Variants in DICER1 observed in about 807,000 individuals in gnomAD.
DICER1 encodes the protein dicer 1, ribonuclease III, also known as endoribonuclease Dicer.
Under a neutral mutation model 194.1 loss-of-function variants are expected in DICER1, and 43 were observed. The observed-to-expected ratio is 0.22, with a 90% CI of 0.17 to 0.29. The LOEUF is 0.29. Among genes scored for constraint, DICER1 ranks in the 10% least tolerant of loss-of-function variants. The pLI is 1.00. For missense variants in DICER1, 1,608 were observed against 2,317.0 expected (o/e 0.69, Z 6.28); for synonymous variants, 832 against 820.5 (o/e 1.01, Z -0.24).
At chr14:95,155,428 CACT>C (rs1371660355) in intron 1 of DICER1, among the ~76,000 whole-genome samples, 1 of 152,196 alleles carries the variant, frequency 6.6e-6, no homozygotes, top group Non-Finnish European at 1.5e-5. Flanking sequence ...TAGAAGATAG[CACT>C]ACAAGTACTG....
At chr14:95,131,713 AAC>A in intron 3 of DICER1, 74 bp from the exon 4 acceptor site, 1 of 1,284,412 alleles carries the variant, frequency 7.8e-7, no homozygotes, top group Non-Finnish European at 1.1e-6. Flanking sequence ...ACTAATGATT[AAC>A]AGTCTACAGA....
At chr14:95,152,586 A>T (rs1015106017) in intron 1 of DICER1, among the ~76,000 whole-genome samples, 1 of 151,942 alleles carries the variant, frequency 6.6e-6, no homozygotes. Context: ...AAAAGAAAAA[A>T]CTCTAAGGCC....
intron 1 of DICER1, among the ~76,000 whole-genome samples, chr14:95,134,778 C>T (rs1034063529): frequency 8.5e-5 from 13 of 152,206 alleles, no homozygotes; most frequent in African/African-American, 2.2e-4. Context: ...AGCACGTCTG[C>T]GGGCCTGACA....
intron 1 of DICER1, among the ~76,000 whole-genome samples, chr14:95,152,539 CCAAG>C (rs367836697): frequency 2.0e-4 from 30 of 152,278 alleles, no homozygotes; most frequent in East Asian, 1.5e-3. Context: ...CTTAACACAA[CCAAG>C]AACATGTAAT....
intron 7 of DICER1, among the ~76,000 whole-genome samples, chr14:95,126,302 G>T (rs1411949418): frequency 2.6e-5 from 4 of 152,084 alleles, no homozygotes; most frequent in Non-Finnish European, 5.9e-5. Flanking sequence ...TGACCAAAAA[G>T]AAACAAAAAT....
chr14:95,141,953 T>C (rs1894850118), intron 1 of DICER1, among the ~76,000 whole-genome samples: 1 of 152,152 alleles, frequency 6.6e-6, no homozygotes, highest in Non-Finnish European at 1.5e-5. Context: ...TACAATCCAA[T>C]TAGATAGAAG....
At chr14:95,108,887 G>T (rs892021139) in intron 14 of DICER1, among the ~76,000 whole-genome samples, 24 of 152,186 alleles carry the variant, frequency 1.6e-4, no homozygotes, top group African/African-American at 5.6e-4. Context: ...ATCAGAAAAT[G>T]AAGTTAGGCA....
chr14:95,114,528 T>A (rs761072837), intron 11 of DICER1, among the ~76,000 whole-genome samples: 1 of 152,222 alleles, frequency 6.6e-6, no homozygotes, highest in Non-Finnish European at 1.5e-5. Context: ...GAAAATCATT[T>A]AGTAGCCATC....
intron 1 of DICER1, among the ~76,000 whole-genome samples, chr14:95,146,375 G>A (rs1895135548): frequency 6.6e-6 from 1 of 152,068 alleles, no homozygotes; most frequent in African/African-American, 2.4e-5. Context: ...TTTGAGTGGT[G>A]CTTTTAACTT....
intron 1 of DICER1, among the ~76,000 whole-genome samples, chr14:95,144,694 T>C (rs1410528737): frequency 6.6e-6 from 1 of 152,178 alleles, no homozygotes; most frequent in African/African-American, 2.4e-5. Context: ...ACAGAATTTA[T>C]AGCCAGATTA....
intron 1 of DICER1, among the ~76,000 whole-genome samples, chr14:95,142,590 C>T (rs1894889369): frequency 6.6e-6 from 1 of 152,164 alleles, no homozygotes. Context: ...ACATTATTTC[C>T]ATTGATAATT....
chr14:95,091,148 T>G (rs1198308957), intron 25 of DICER1, 39 bp from the exon 26 acceptor site: 1 of 1,613,874 alleles, frequency 6.2e-7, no homozygotes, highest in Non-Finnish European at 8.5e-7. Context: ...ATAATATCTC[T>G]GAAGTTGTTT....
intron 14 of DICER1, among the ~76,000 whole-genome samples, 172 bp from the exon 15 acceptor site, chr14:95,108,675 CG>C (rs1477877217): frequency 3.3e-5 from 5 of 152,214 alleles, no homozygotes; most frequent in Non-Finnish European, 7.3e-5. Context: ...GGTAAGTCAG[CG>C]GATCTCAGGA....
At position 95,088,769 on chromosome 14, in the gene DICER1, G is replaced by C. The variant is rs184814331; in HGVS notation, c.*1729C>G. 4.3e-6 allele frequency: 1 copy of C among 231,776 alleles called. No homozygotes were observed. The highest frequency in any genetic ancestry group is 2.2e-5 in the African/African-American group (1 of 44,492). 14.4% of individuals were successfully genotyped at this position (231,776 alleles called of 1,614,324 possible). A position where few individuals can be genotyped will look rare whatever the true frequency, so the allele number is the denominator to read the frequency against. ...AAAGCAGAGCTGACAGTTTTCTGTC[G>C]GTGCACTCGCACAGAGGCATTTCTC... On this transcript the variant is annotated 3_prime_UTR_variant, in exon 27 of 27. Coordinates refer to ENST00000343455, the MANE Select transcript of DICER1 (RefSeq NM_177438.3).
intron 7 of DICER1, among the ~76,000 whole-genome samples, chr14:95,125,528 G>C (rs544636660): frequency 8.3e-6 from 1 of 120,088 alleles, no homozygotes; most frequent in African/African-American, 3.5e-5. Context: ...GAGGCAGAGA[G>C]GGAGAGAGGG....
rs1319816159 is a variant in DICER1, at chr14:95,088,938, G to A, written c.*1560C>T. The A allele has an allele frequency of 4.3e-6, 1 of 233,308 alleles. No homozygotes were observed. Among genetic ancestry groups the A allele is most frequent in the Non-Finnish European group, 8.5e-6 (1 of 118,018 alleles). The allele number at this position is 233,308 out of a possible 1,614,324, so 14.5% of individuals were successfully genotyped here. ...TCTGCTCAGCTTTCTTAAACTTCAA[G>A]CATAATTAACGGGGCAAATTGCAGC... On this transcript the variant is annotated 3_prime_UTR_variant, in exon 27 of 27. Coordinates refer to ENST00000343455, the MANE Select transcript of DICER1 (RefSeq NM_177438.3).
At chr14:95,116,364 ATC>A (rs1892463624) in intron 10 of DICER1, 87 bp downstream of exon 10, 5 of 1,481,600 alleles carry the variant, frequency 3.4e-6, no homozygotes, top group East Asian at 4.5e-5. Context: ...AAAACTCATT[ATC>A]TGTTCCTATG....
Position 95,124,518 on chromosome 14 carries a change from G to A in DICER1, c.1054C>T (p.Leu352=), listed in dbSNP as rs1445685499. Residue 352 remains leucine (L), a synonymous_variant, in exon 8 of 27, where the codon CTA becomes TTA. Transcript: ENST00000343455. The surrounding 1 kb of genome is among the most constrained non-coding windows in gnomAD (Gnocchi z 4.5). ...TCACATAGTGCATGTATTTTCCTTA[G>A]GAAAGTGTCTGTAAACAATAAAAAT... ...RKFLLFTDTF[L]RKIHALCEEH... is the part of the protein sequence containing the mutation. The A allele has an allele frequency of 6.2e-7, 1 of 1,614,044 alleles. No individual in the cohort carries two copies. Among genetic ancestry groups the A allele is most frequent in the South Asian group, 1.1e-5 (1 of 91,080 alleles).
Position 95,108,109 on chromosome 14 carries a change from T to C in DICER1, c.2437-16A>G, listed in dbSNP as rs1891618284. ...AGTGTGGAATCTTAGCAAAAGGAAATGTAAAGCACCCCTCAAAATTAACAG... is the reference window on the plus strand; with the variant it reads ...AGTGTGGAATCTTAGCAAAAGGAAACGTAAAGCACCCCTCAAAATTAACAG... On this transcript the variant is annotated splice_polypyrimidine_tract_variant and intron_variant, in intron 15 of 26. Transcript: ENST00000343455. 1.9e-6 allele frequency: 3 copies of C among 1,576,726 alleles called. No homozygotes were observed. Among genetic ancestry groups the C allele is most frequent in the Non-Finnish European group, 1.7e-6 (2 of 1,146,572 alleles).
Sources: allele counts gnomAD v4.1 joint callset (sites outside exome capture counted in the v4.1 genomes callset), GRCh38; gene constraint gnomAD v4.1.1; non-coding constraint Gnocchi (gnomAD v3.1); transcripts MANE v1.5; gene names NCBI Gene and HGNC (gene_info 2026-07-23, HGNC 2026-07-21).